The following ELOVL7 variants were observed in gnomAD, a reference collection of about 807,000 sequenced individuals.
The protein encoded by ELOVL7 is ELOVL fatty acid elongase 7, also known as very long chain fatty acid elongase 7.
In ELOVL7, 27 loss-of-function variants were observed where a neutral mutation model predicts 35.7. The observed-to-expected ratio is 0.76, with a 90% confidence interval of 0.56 to 1.04. The LOEUF is 1.04. Among genes scored for constraint, ELOVL7 ranks in the 50% least tolerant of loss-of-function variants. The pLI is 0.00. For missense variants in ELOVL7, 327 were observed against 340.8 expected, an observed-to-expected ratio of 0.96 and a Z score of 0.32; for synonymous variants, 113 against 114.6, an observed-to-expected ratio of 0.99 and a Z score of 0.09.
chr5:60,827,210 A>C (rs1746218547), intron 1 of ELOVL7, among the ~76,000 whole-genome samples: 2 of 152,344 alleles, frequency 1.3e-5, no homozygotes, highest in Non-Finnish European at 1.5e-5. Flanking sequence ...TATTGCTAAA[A>C]ATATCATTAC....
At chr5:60,832,421 A>C (rs1357044920) in intron 1 of ELOVL7, among the ~76,000 whole-genome samples, 1 of 151,542 alleles carries the variant, frequency 6.6e-6, no homozygotes, top group African/African-American at 2.4e-5. Context: ...GCTGGAGTGC[A>C]GTGGCACCAT....
At chr5:60,840,066 T>C (rs963339240) in intron 1 of ELOVL7, among the ~76,000 whole-genome samples, 1 of 152,078 alleles carries the variant, frequency 6.6e-6, no homozygotes. Flanking sequence ...TCATGGAGAA[T>C]AAACAAATCT....
chr5:60,758,860 C>T (rs1329029303), intron 7 of ELOVL7, among the ~76,000 whole-genome samples: 1 of 152,156 alleles, frequency 6.6e-6, no homozygotes, highest in Admixed American at 6.5e-5. Context: ...CTAAAACATT[C>T]TATTTTCTTA....
chr5:60,797,274 A>T (rs1279496627), intron 2 of ELOVL7, among the ~76,000 whole-genome samples: 1 of 152,198 alleles, frequency 6.6e-6, no homozygotes, highest in African/African-American at 2.4e-5. Context: ...CCTATTACAC[A>T]GGATTTTGTG....
chr5:60,789,673 T>C (rs1199806189), intron 2 of ELOVL7, among the ~76,000 whole-genome samples: 2 of 152,222 alleles, frequency 1.3e-5, no homozygotes, highest in African/African-American at 2.4e-5. Flanking sequence ...AGTTTATTCA[T>C]TGCATCAGTA....
chr5:60,810,422 G>A lies in ELOVL7; in HGVS notation c.-85-11192C>T, dbSNP rs559189816. ...TCATGTGGATTTTTCTAAGCCCACT[G>A]CTTATCTAAATTTCTGCTTAAAAAG... On this transcript the variant is annotated intron_variant, in intron 1 of 8. Coordinates refer to ENST00000508821, the MANE Select transcript of ELOVL7 (RefSeq NM_024930.3). Among the ~76,000 whole-genome samples the A allele has an allele frequency of 2.0e-5, 3 of 152,172 alleles. No individual in the cohort carries two copies. The South Asian group carries it at 6.2e-4, about 31-fold the overall frequency.
Position 60,754,524 on chromosome 5 carries a change from T to C in ELOVL7, c.*100A>G, listed in dbSNP as rs887309793. The C allele has an allele frequency of 6.5e-5, 70 of 1,070,672 alleles. No homozygotes were observed. In the African/African-American group the frequency reaches 9.8e-4, roughly 15 times the overall value. The allele number at this position is 1,070,672 out of a possible 1,614,324, so 66.3% of individuals were successfully genotyped here. On this transcript the variant is annotated 3_prime_UTR_variant, in exon 9 of 9. Transcript: ENST00000508821. ...TAACTTACCATAAAAATACAAGCTCTTAGTTTTGAAAAATATACAAAATGC... is the reference window on the plus strand; with the variant it reads ...TAACTTACCATAAAAATACAAGCTCCTAGTTTTGAAAAATATACAAAATGC...
At chr5:60,791,690 C>T (rs1743947647) in intron 2 of ELOVL7, among the ~76,000 whole-genome samples, 1 of 152,118 alleles carries the variant, frequency 6.6e-6, no homozygotes, top group Admixed American at 6.6e-5. Flanking sequence ...CCCTTTATGT[C>T]TTCCAATTGT....
intron 1 of ELOVL7, among the ~76,000 whole-genome samples, chr5:60,813,194 TCCAAG>T (rs1324315341): frequency 2.0e-5 from 3 of 152,158 alleles, no homozygotes; most frequent in African/African-American, 7.2e-5. Context: ...TTTCTTTTAC[TCCAAG>T]CCATTAGAAT....
intron 4 of ELOVL7, among the ~76,000 whole-genome samples, chr5:60,771,553 G>C (rs78110503): frequency 6.6e-6 from 1 of 152,200 alleles, no homozygotes; most frequent in African/African-American, 2.4e-5. Context: ...ATGTCAGACA[G>C]ACCTGGGTTC....
intron 1 of ELOVL7, among the ~76,000 whole-genome samples, chr5:60,803,238 G>C (rs1744746133): frequency 6.6e-6 from 1 of 152,168 alleles, no homozygotes; most frequent in African/African-American, 2.4e-5. Flanking sequence ...CAAGTCACAA[G>C]GGGAAGCACA....
intron 3 of ELOVL7, among the ~76,000 whole-genome samples, chr5:60,776,380 T>C (rs1742904616): frequency 1.3e-5 from 2 of 152,138 alleles, no homozygotes; most frequent in Admixed American, 1.3e-4. Flanking sequence ...CACTATTAGG[T>C]ACATACTGAA....
At chr5:60,770,735 C>T (rs967848761) in intron 4 of ELOVL7, among the ~76,000 whole-genome samples, 15 of 152,202 alleles carry the variant, frequency 9.9e-5, no homozygotes, top group Non-Finnish European at 2.1e-4. Context: ...TTTTTTGAGA[C>T]AGGGTCTTGC....
chr5:60,759,943 C>G (rs1220649612), intron 7 of ELOVL7, among the ~76,000 whole-genome samples: 2 of 152,134 alleles, frequency 1.3e-5, no homozygotes, highest in Non-Finnish European at 2.9e-5. Flanking sequence ...CCAATTTCAT[C>G]CATGTCCCTA....
intron 1 of ELOVL7, among the ~76,000 whole-genome samples, chr5:60,809,573 T>C (rs1195309223): frequency 1.3e-5 from 2 of 152,174 alleles, no homozygotes; most frequent in Admixed American, 6.5e-5. Flanking sequence ...TACTTATTTA[T>C]AGGAGGAAGA....
intron 7 of ELOVL7, among the ~76,000 whole-genome samples, chr5:60,761,025 C>T (rs1446607515): frequency 7.3e-6 from 1 of 137,668 alleles, no homozygotes; most frequent in Non-Finnish European, 1.5e-5. Context: ...TATTTTCTGA[C>T]AAGCTATTTT....
intron 1 of ELOVL7, among the ~76,000 whole-genome samples, chr5:60,818,249 C>T (rs1027415443): frequency 1.5e-5 from 2 of 132,478 alleles, no homozygotes; most frequent in African/African-American, 2.9e-5. Context: ...ACCCGGGAGG[C>T]GGAAGTGGAA....
intron 1 of ELOVL7, among the ~76,000 whole-genome samples, chr5:60,808,342 G>A (rs1415764300): frequency 1.3e-5 from 2 of 152,116 alleles, no homozygotes; most frequent in East Asian, 3.8e-4. Context: ...GACAGACTGA[G>A]AAAACAAGGT....
At chr5:60,784,004 T>G in intron 3 of ELOVL7, 1 of 695,048 alleles carries the variant, frequency 1.4e-6, no homozygotes, top group Admixed American at 2.0e-5. Context: ...ACCCCAATGA[T>G]TACCAAAGTT....
Sources: gnomAD v4.1 joint callset for allele counts (sites outside exome capture counted in the v4.1 genomes callset) on GRCh38, gnomAD v4.1.1 for gene constraint, MANE v1.5 for transcripts, NCBI Gene and HGNC (gene_info 2026-07-23, HGNC 2026-07-21) for gene names.